The following ANO4 variants were observed in gnomAD, a reference collection of about 807,000 sequenced individuals.
ANO4 encodes anoctamin-4.
Under a neutral mutation model 141.9 loss-of-function variants are expected in ANO4, and 69 were observed. That is an observed-to-expected ratio of 0.49 (90% CI 0.40 to 0.59). The LOEUF is 0.59. Among genes scored for constraint, ANO4 ranks in the 20% least tolerant of loss-of-function variants. The probability of loss-of-function intolerance (pLI) is 0.00; values close to 1 mark genes in which losing one functional copy is unlikely to be tolerated. For synonymous variants in ANO4, 350 were observed against 394.3 expected, an observed-to-expected ratio of 0.89 and a Z score of 1.33; for missense variants, 894 against 1,162.2, an observed-to-expected ratio of 0.77 and a Z score of 3.36.
chr12:100,759,961 A>T (rs1240315742), intron 3 of ANO4, among the ~76,000 whole-genome samples: 3 of 152,212 alleles, frequency 2.0e-5, no homozygotes, highest in Non-Finnish European at 4.4e-5. Flanking sequence ...GCATAAAAAC[A>T]ATATGACAAG....
At chr12:100,786,194 A>G (rs1218636488) in intron 3 of ANO4, among the ~76,000 whole-genome samples, 1 of 152,188 alleles carries the variant, frequency 6.6e-6, no homozygotes, top group African/African-American at 2.4e-5. Context: ...GGTCCCTGCA[A>G]TTGCCTAAGT....
intron 1 of ANO4, among the ~76,000 whole-genome samples, chr12:100,806,528 T>TTTTC (rs2035052974): frequency 3.4e-5 from 1 of 29,218 alleles, no homozygotes; most frequent in African/African-American, 2.3e-4. Context: ...TGTTTCGTTT[T>TTTTC]TTTTTTTTTT....
chr12:101,097,749 C>G (rs745653762), intron 20 of ANO4, 41 bp downstream of exon 20: 5 of 1,610,044 alleles, frequency 3.1e-6, no homozygotes, highest in Non-Finnish European at 4.2e-6. Flanking sequence ...GACAGACTTG[C>G]ATTAAACAGC....
intron 8 of ANO4, among the ~76,000 whole-genome samples, chr12:100,998,060 T>C (rs870629): frequency 0.077 from 11,660 of 152,178 alleles, 534 homozygotes; most frequent in South Asian, 0.15. Flanking sequence ...GTGTTGATCC[T>C]GGGTGTGTCT....
At chr12:100,826,431 G>T (rs1254849098) in intron 1 of ANO4, among the ~76,000 whole-genome samples, 1 of 152,022 alleles carries the variant, frequency 6.6e-6, no homozygotes, top group African/African-American at 2.4e-5. Flanking sequence ...TAATATTGAT[G>T]CATTGAGTTT....
At chr12:101,005,298 A>G (rs950329155) in intron 8 of ANO4, among the ~76,000 whole-genome samples, 8 of 152,280 alleles carry the variant, frequency 5.3e-5, no homozygotes, top group Non-Finnish European at 1.2e-4. Flanking sequence ...TGTTTTATAG[A>G]TTAAAAAAAA....
At chr12:100,717,697 G>T in intron 1 of ANO4, 1 of 394,942 alleles carries the variant, frequency 2.5e-6, no homozygotes. Context: ...CGCTCCTGAG[G>T]GGCCGATGTT....
upstream of ANO4, among the ~76,000 whole-genome samples, chr12:100,793,259 C>G (rs2034121600): frequency 6.6e-6 from 1 of 152,172 alleles, no homozygotes; most frequent in Non-Finnish European, 1.5e-5. Flanking sequence ...CAAAGTCTCC[C>G]AGGTTTTCCT....
chr12:100,862,268 A>G (rs1247875241), intron 1 of ANO4, among the ~76,000 whole-genome samples: 2 of 152,120 alleles, frequency 1.3e-5, no homozygotes, highest in East Asian at 3.9e-4. Flanking sequence ...CTCTAAAATA[A>G]CAATAAAAAG....
chr12:101,061,358 G>A (rs1046060191), intron 14 of ANO4, among the ~76,000 whole-genome samples: 5 of 151,410 alleles, frequency 3.3e-5, no homozygotes, highest in African/African-American at 1.2e-4. Context: ...ACAGTTATGT[G>A]TCTTGGGGTT....
At chr12:100,844,015 A>T (rs1306822552) in intron 1 of ANO4, among the ~76,000 whole-genome samples, 1 of 152,168 alleles carries the variant, frequency 6.6e-6, no homozygotes, top group Non-Finnish European at 1.5e-5. Flanking sequence ...TCATTCATTC[A>T]TTCAGCAGTT....
At chr12:100,909,960 T>C (rs1055585780) in intron 2 of ANO4, among the ~76,000 whole-genome samples, 1 of 152,226 alleles carries the variant, frequency 6.6e-6, no homozygotes, top group Non-Finnish European at 1.5e-5. Context: ...TTTGAAATAC[T>C]TGTTTGAATT....
chr12:100,775,014 C>G (rs1422575218), intron 3 of ANO4, among the ~76,000 whole-genome samples: 1 of 152,184 alleles, frequency 6.6e-6, no homozygotes, highest in Non-Finnish European at 1.5e-5. Context: ...TTTTGTTGTA[C>G]TTCTTTGAGG....
intron 8 of ANO4, among the ~76,000 whole-genome samples, chr12:101,012,704 A>T (rs946352602): frequency 3.3e-5 from 5 of 152,248 alleles, no homozygotes; most frequent in Non-Finnish European, 5.9e-5. Flanking sequence ...ATTTTTTTTA[A>T]AAAATCATTG....
rs144762607 is a variant in ANO4 at position 100,987,584 on chromosome 12, G to A, written c.648G>A (p.Lys216=). Residue 216 remains lysine, a synonymous_variant, in exon 8 of 28, where the codon AAG becomes AAA. Coordinates refer to ENST00000392977, the MANE Select transcript of ANO4 (RefSeq NM_001286615.2). ...GGTTTCGGAGATGGTTACCTAAGAA[G>A]CCAATGAGGCTGGACAAGGAGACAC... ...ISRFRRWLPK[K]PMRLDKETLP... is the part of the protein sequence containing the mutation. 52 of 1,613,940 alleles carry A rather than the reference G, an allele frequency of 3.2e-5. No homozygotes were observed. The highest frequency in any genetic ancestry group is 4.2e-5 in the Non-Finnish European group (49 of 1,179,988).
intron 2 of ANO4, 72 bp downstream of exon 2, chr12:100,901,912 T>C (rs1038399160): frequency 1.5e-6 from 2 of 1,370,644 alleles, no homozygotes; most frequent in Non-Finnish European, 9.9e-7. Flanking sequence ...TATATTTTTA[T>C]TGTGTAAATA....
intron 2 of ANO4, among the ~76,000 whole-genome samples, chr12:100,905,993 G>C (rs1374184333): frequency 6.6e-6 from 1 of 152,140 alleles, no homozygotes; most frequent in Non-Finnish European, 1.5e-5. Context: ...GGAGCCACAG[G>C]GAGAAAGAGA....
chr12:101,084,355 A>G (rs1194790288), intron 16 of ANO4, among the ~76,000 whole-genome samples: 1 of 152,124 alleles, frequency 6.6e-6, no homozygotes, highest in Non-Finnish European at 1.5e-5. Flanking sequence ...CTGACTCACT[A>G]ATGATCATGT....
intron 22 of ANO4, among the ~76,000 whole-genome samples, chr12:101,104,857 A>G (rs1052192418): frequency 2.6e-5 from 4 of 151,640 alleles, no homozygotes; most frequent in Non-Finnish European, 5.9e-5. Flanking sequence ...TACTAGTTAC[A>G]TACTTGAAAT....
Sources: allele counts gnomAD v4.1 joint callset (sites outside exome capture counted in the v4.1 genomes callset), GRCh38; gene constraint gnomAD v4.1.1; transcripts MANE v1.5; gene names NCBI Gene and HGNC (gene_info 2026-07-23, HGNC 2026-07-21).